The following C1orf21 variants were observed in gnomAD, a reference collection of about 807,000 sequenced individuals.
C1orf21 encodes uncharacterized protein C1orf21.
A neutral mutation model predicts 18.7 loss-of-function variants in C1orf21; 3 were observed. The ratio of observed to expected loss-of-function variants is 0.16; its 90% CI spans 0.07 to 0.42. The LOEUF (loss-of-function observed/expected upper bound fraction) is 0.42. Among genes scored for constraint, C1orf21 ranks in the 10% least tolerant of loss-of-function variants. C1orf21 has a pLI of 0.99. For missense variants in C1orf21, 104 were observed against 143.6 expected, an observed-to-expected ratio of 0.72 and a Z score of 1.41; for synonymous variants, 41 against 46.4, an observed-to-expected ratio of 0.88 and a Z score of 0.47.
At chr1:184,412,659 A>AG (rs397813195) in intron 1 of C1orf21, among the ~76,000 whole-genome samples, 6 of 151,712 alleles carry the variant, frequency 4.0e-5, no homozygotes, top group African/African-American at 1.5e-4. Flanking sequence ...AAGAAAAAAA[A>AG]TAGTTGGGCA....
intron 3 of C1orf21, among the ~76,000 whole-genome samples, chr1:184,577,370 G>A (rs1445662212): frequency 6.6e-6 from 1 of 152,020 alleles, no homozygotes; most frequent in Non-Finnish European, 1.5e-5. Context: ...CAATGAAACA[G>A]GTTCTCTCCT....
At chr1:184,571,538 C>A (rs967425942) in intron 3 of C1orf21, among the ~76,000 whole-genome samples, 1 of 152,156 alleles carries the variant, frequency 6.6e-6, no homozygotes, top group East Asian at 1.9e-4. Context: ...ACCAGTTATA[C>A]CTGGTCCCTC....
At chr1:184,599,544 A>AC (rs1659559424) in intron 5 of C1orf21, 1 of 152,240 alleles carries the variant, frequency 6.6e-6, no homozygotes, top group Non-Finnish European at 1.5e-5. Context: ...AATGAATTAA[A>AC]ATGAGAGTTA....
rs375941992 is a variant in C1orf21, at chr1:184,482,097, A to G, written c.94+4494A>G. Among the ~76,000 whole-genome samples the G allele has an allele frequency of 7.2e-5, 11 of 152,322 alleles. No homozygotes were observed. The East Asian group carries it at 2.1e-3, about 29-fold the overall frequency. ...GTGTAACAAATACCCCAAACATAGT[A>G]CCTTGAAACATAACCAGCTTATTAT... On this transcript the variant is annotated intron_variant, in intron 2 of 5. Transcript: ENST00000235307.
At chr1:184,496,330 A>G (rs1208227259) in intron 2 of C1orf21, among the ~76,000 whole-genome samples, 1 of 152,168 alleles carries the variant, frequency 6.6e-6, no homozygotes, top group Non-Finnish European at 1.5e-5. Flanking sequence ...AAGTGGTGAT[A>G]TCAGCTGTTT....
chr1:184,614,974 C>T (rs909312957), intron 5 of C1orf21, among the ~76,000 whole-genome samples: 5 of 152,136 alleles, frequency 3.3e-5, no homozygotes, highest in African/African-American at 1.2e-4. Flanking sequence ...GGACCCCTGG[C>T]CTAGACTATT....
At position 184,610,626 on chromosome 1, in the gene C1orf21, C is replaced by T. The variant is rs1470487467; in HGVS notation, c.328-8892C>T. Among the ~76,000 whole-genome samples the T allele has an allele frequency of 5.9e-5, 9 of 152,240 alleles. No individual in the cohort carries two copies. In the East Asian group the frequency reaches 1.7e-3, roughly 29 times the overall value. On this transcript the variant is annotated intron_variant, in intron 5 of 5. Transcript: ENST00000235307. ...CTTTGGGAGGCCGAGGCAGGCGGAT[C>T]ACGAGGTCAAGAGATCGAGACCATC...
At chr1:184,559,485 T>TCCTTCCTTCCTTCCCC (rs1658923058) in intron 3 of C1orf21, among the ~76,000 whole-genome samples, 4 of 124,454 alleles carry the variant, frequency 3.2e-5, no homozygotes, top group African/African-American at 1.4e-4. Flanking sequence ...CCTCCTTCCT[T>TCCTTCCTTCCTTCCCC]CCTTCCTTCC....
intron 1 of C1orf21, among the ~76,000 whole-genome samples, chr1:184,394,433 A>G (rs911083499): frequency 6.6e-6 from 1 of 152,140 alleles, no homozygotes; most frequent in Non-Finnish European, 1.5e-5. Context: ...AAGTGTGGGA[A>G]CCTTTTTCAT....
intron 1 of C1orf21, among the ~76,000 whole-genome samples, chr1:184,422,459 T>C (rs1372340949): frequency 6.6e-6 from 1 of 152,192 alleles, no homozygotes; most frequent in Non-Finnish European, 1.5e-5. Flanking sequence ...GCTATTATTA[T>C]TCTCATTTTA....
chr1:184,528,646 T>C (rs1161934255), intron 3 of C1orf21, among the ~76,000 whole-genome samples: 1 of 152,154 alleles, frequency 6.6e-6, no homozygotes, highest in East Asian at 1.9e-4. Flanking sequence ...GGTTTCAGCA[T>C]GTTGGCCAGG....
At chr1:184,595,252 A>G (rs368622409) in intron 4 of C1orf21, among the ~76,000 whole-genome samples, 4 of 152,218 alleles carry the variant, frequency 2.6e-5, no homozygotes, top group South Asian at 4.1e-4. Context: ...CTTAGAATCA[A>G]TTATTCATCC....
At position 184,619,633 on chromosome 1, in the gene C1orf21, C is replaced by A; in HGVS notation, c.*77C>A. On this transcript the variant is annotated 3_prime_UTR_variant, in exon 6 of 6. Coordinates refer to ENST00000235307, the MANE Select transcript of C1orf21 (RefSeq NM_030806.4). Reference sequence around the variant, plus strand: ...CCCCAGTTGAAATCTTTGCAAAGGTCGGTTCTATTCAGCGAACAGCACTAT... The same window carrying A: ...CCCCAGTTGAAATCTTTGCAAAGGTAGGTTCTATTCAGCGAACAGCACTAT... The A allele has an allele frequency of 1.4e-6, 2 of 1,407,824 alleles. No homozygotes were observed. The highest frequency in any genetic ancestry group is 2.5e-5 in the South Asian group (2 of 81,256). The allele number at this position is 1,407,824 out of a possible 1,614,324, so 87.2% of individuals were successfully genotyped here.
chr1:184,608,032 T>C (rs1452533596), intron 5 of C1orf21, among the ~76,000 whole-genome samples: 1 of 152,140 alleles, frequency 6.6e-6, no homozygotes, highest in Non-Finnish European at 1.5e-5. Flanking sequence ...ATAAGATGAA[T>C]ATCAAAGTAT....
intron 4 of C1orf21, among the ~76,000 whole-genome samples, chr1:184,594,453 A>C (rs1180198372): frequency 6.6e-6 from 1 of 152,226 alleles, no homozygotes; most frequent in Non-Finnish European, 1.5e-5. Context: ...TGAAGACCCA[A>C]GAAGTGACAA....
intron 5 of C1orf21, among the ~76,000 whole-genome samples, chr1:184,618,619 T>C (rs1015841166): frequency 6.6e-5 from 10 of 151,190 alleles, no homozygotes; most frequent in Non-Finnish European, 1.5e-4. Context: ...AAATAAGTTC[T>C]GCTTTTAAAA....
At chr1:184,465,574 G>A (rs1261988364) in intron 1 of C1orf21, among the ~76,000 whole-genome samples, 2 of 152,078 alleles carry the variant, frequency 1.3e-5, no homozygotes, top group Admixed American at 6.5e-5. Flanking sequence ...TTCCTGGGGT[G>A]GTAATGGCAG....
chr1:184,559,480 T>C (rs1658922727), intron 3 of C1orf21, among the ~76,000 whole-genome samples: 1 of 133,844 alleles, frequency 7.5e-6, no homozygotes, highest in Non-Finnish European at 1.5e-5. Context: ...CTTTCCCTCC[T>C]TCCTTCCTTC....
At chr1:184,565,929 T>C (rs1023114401) in intron 3 of C1orf21, among the ~76,000 whole-genome samples, 2 of 152,204 alleles carry the variant, frequency 1.3e-5, no homozygotes, top group Non-Finnish European at 1.5e-5. Flanking sequence ...TTAATGTTGA[T>C]TTTTGAGTAT....
Sources: allele counts gnomAD v4.1 joint callset (sites outside exome capture counted in the v4.1 genomes callset), GRCh38; gene constraint gnomAD v4.1.1; transcripts MANE v1.5; gene names NCBI Gene and HGNC (gene_info 2026-07-23, HGNC 2026-07-21).